Variants in EXT1 observed in about 807,000 individuals in gnomAD.
The protein encoded by EXT1 is exostosin glycosyltransferase 1.
In EXT1, 20 loss-of-function variants were observed where a neutral mutation model predicts 82.5. That is an observed-to-expected ratio of 0.24 (90% CI 0.17 to 0.35). The LOEUF (loss-of-function observed/expected upper bound fraction) is 0.35. Ranked by LOEUF, EXT1 falls within the 10% of genes least tolerant of loss-of-function variation. EXT1 has a pLI of 1.00. For missense variants in EXT1, 757 were observed against 936.5 expected, an observed-to-expected ratio of 0.81 and a Z score of 2.50; for synonymous variants, 348 against 350.8, an observed-to-expected ratio of 0.99 and a Z score of 0.09.
At chr8:118,048,077 G>A (rs1816651856) in intron 1 of EXT1, among the ~76,000 whole-genome samples, 1 of 151,366 alleles carries the variant, frequency 6.6e-6, no homozygotes, top group African/African-American at 2.4e-5. Flanking sequence ...CTCCCTGGAA[G>A]CCATAAGACA....
At position 117,882,980 on chromosome 8, in the gene EXT1, GA is replaced by G. The variant is rs1320976687; in HGVS notation, c.963-45780del. Among the ~76,000 whole-genome samples, 397 of 65,866 alleles carry G rather than the reference GA, an allele frequency of 6.0e-3. 1 individual carries two copies. Among genetic ancestry groups the G allele is most frequent in the East Asian group, 0.013 (30 of 2,266 alleles). The allele number at this position is 65,866 out of a possible 152,430, so 43.2% of individuals were successfully genotyped here. ...CGACAAAATGAGACTCTGTCTCAAAGAAAAAAAAAAAAAAAAGAAAGAAAAA... is the reference window on the plus strand; with the variant it reads ...CGACAAAATGAGACTCTGTCTCAAAGAAAAAAAAAAAAAAAGAAAGAAAAA... On this transcript the variant is annotated intron_variant, in intron 1 of 10. Transcript: ENST00000378204.
chr8:117,824,363 T>C (rs1254766811), intron 4 of EXT1, among the ~76,000 whole-genome samples: 2 of 152,222 alleles, frequency 1.3e-5, no homozygotes, highest in African/African-American at 4.8e-5. Flanking sequence ...TTCAAAGATA[T>C]GATAATAAGA....
intron 1 of EXT1, among the ~76,000 whole-genome samples, chr8:118,024,850 G>A (rs1052653759): frequency 2.0e-5 from 3 of 152,154 alleles, no homozygotes; most frequent in African/African-American, 7.2e-5. Flanking sequence ...TGATAAAATG[G>A]TCATCTTTCA....
chr8:117,979,825 A>C (rs764560256), intron 1 of EXT1, among the ~76,000 whole-genome samples: 5 of 152,226 alleles, frequency 3.3e-5, no homozygotes, highest in Non-Finnish European at 7.3e-5. Flanking sequence ...TATTTGGACC[A>C]TTGTACCTTT....
intron 1 of EXT1, among the ~76,000 whole-genome samples, chr8:118,003,342 A>G (rs950546587): frequency 2.2e-4 from 33 of 151,820 alleles, no homozygotes; most frequent in African/African-American, 7.8e-4. Flanking sequence ...CTCAGAAATC[A>G]CCACCAAAGA....
At chr8:118,026,927 T>C (rs762262662) in intron 1 of EXT1, among the ~76,000 whole-genome samples, 8 of 152,186 alleles carry the variant, frequency 5.3e-5, no homozygotes, top group East Asian at 1.9e-4. Context: ...TGCACAGCTA[T>C]AGGAATCTGA....
intron 1 of EXT1, among the ~76,000 whole-genome samples, chr8:118,032,626 T>G (rs1176557340): frequency 6.6e-6 from 1 of 151,394 alleles, no homozygotes; most frequent in Non-Finnish European, 1.5e-5. Context: ...TTCATCTGCC[T>G]CAGCCTCCTG....
intron 1 of EXT1, among the ~76,000 whole-genome samples, chr8:118,095,290 A>T (rs1202232365): frequency 6.6e-6 from 1 of 152,238 alleles, no homozygotes; most frequent in East Asian, 1.9e-4. Context: ...GCAGGAAAAC[A>T]CTACTCCACC....
At chr8:117,949,395 A>C (rs1315848739) in intron 1 of EXT1, among the ~76,000 whole-genome samples, 1 of 151,654 alleles carries the variant, frequency 6.6e-6, no homozygotes, top group Non-Finnish European at 1.5e-5. Flanking sequence ...ATAATAATGG[A>C]CCAGAGAGAA....
rs1813727741 is a variant in EXT1 at position 117,915,358 on chromosome 8, T to C, written c.963-78157A>G. On this transcript the variant is annotated intron_variant, in intron 1 of 10. Transcript: ENST00000378204. ...TTTGCTTAATAGATATAACCATATA[T>C]ATATATATATATACCTGAATAGGCA... 3.3e-5 allele frequency among the ~76,000 whole-genome samples: 5 copies of C among 151,706 alleles called. 1 individual carries two copies. The South Asian group carries it at 1.0e-3, about 31-fold the overall frequency.
chr8:118,089,264 T>TG (rs993220125), intron 1 of EXT1, among the ~76,000 whole-genome samples: 20 of 152,162 alleles, frequency 1.3e-4, no homozygotes, highest in African/African-American at 4.3e-4. Flanking sequence ...CTCAAAGAAT[T>TG]GGGGGTGAAT....
At chr8:118,079,529 G>A (rs1016921748) in intron 1 of EXT1, among the ~76,000 whole-genome samples, 1 of 152,192 alleles carries the variant, frequency 6.6e-6, no homozygotes, top group African/African-American at 2.4e-5. Context: ...GCCAGGCATT[G>A]TTCAGCCGGC....
At chr8:118,015,773 G>A (rs1815990665) in intron 1 of EXT1, among the ~76,000 whole-genome samples, 1 of 152,212 alleles carries the variant, frequency 6.6e-6, no homozygotes, top group Admixed American at 6.5e-5. Flanking sequence ...AGCAGTTGTT[G>A]CAGCTGTCAC....
chr8:117,961,398 T>C lies in EXT1; in HGVS notation c.963-124197A>G, dbSNP rs17476065. ...GGATTCTGGCATATGGGCCTTAGGA[T>C]AAAAAAAATAGTTTTCTTTGATATT... On this transcript the variant is annotated intron_variant, in intron 1 of 10. Coordinates refer to ENST00000378204, the MANE Select transcript of EXT1 (RefSeq NM_000127.3). Among the ~76,000 whole-genome samples, 510 of 152,054 alleles carry C rather than the reference T, an allele frequency of 3.4e-3. 1 individual carries two copies. Among genetic ancestry groups the C allele is most frequent in the African/African-American group, 0.011 (474 of 41,490 alleles).
At chr8:117,864,573 C>T (rs984421058) in intron 1 of EXT1, among the ~76,000 whole-genome samples, 3 of 142,056 alleles carry the variant, frequency 2.1e-5, no homozygotes, top group Non-Finnish European at 4.4e-5. Context: ...CACGGTGAAA[C>T]CCCGTCTCTA....
intron 1 of EXT1, among the ~76,000 whole-genome samples, chr8:117,863,378 C>A (rs906761063): frequency 6.1e-5 from 9 of 146,744 alleles, no homozygotes; most frequent in African/African-American, 2.3e-4. Flanking sequence ...CAAGGTGACT[C>A]TGTATATTTT....
At chr8:117,868,127 CAA>C (rs1812806346) in intron 1 of EXT1, among the ~76,000 whole-genome samples, 1 of 152,186 alleles carries the variant, frequency 6.6e-6, no homozygotes, top group Non-Finnish European at 1.5e-5. Context: ...TTTCTCCAAG[CAA>C]ATGATCCCTA....
chr8:117,806,394 C>T (rs1030504921), intron 9 of EXT1, among the ~76,000 whole-genome samples: 6 of 152,100 alleles, frequency 3.9e-5, no homozygotes, highest in Non-Finnish European at 8.8e-5. Flanking sequence ...CTACAGTATT[C>T]GGTACAGTGA....
chr8:118,054,221 A>G (rs1404259301), intron 1 of EXT1, among the ~76,000 whole-genome samples: 1 of 152,168 alleles, frequency 6.6e-6, no homozygotes, highest in African/African-American at 2.4e-5. Context: ...TCTGTTGAGT[A>G]TTTGTGCCCC....
Sources: allele counts gnomAD v4.1 joint callset (sites outside exome capture counted in the v4.1 genomes callset), GRCh38; gene constraint gnomAD v4.1.1; transcripts MANE v1.5; gene names NCBI Gene and HGNC (gene_info 2026-07-23, HGNC 2026-07-21).